The following EPS8L3 variants were observed in gnomAD, a reference collection of about 807,000 sequenced individuals.
EPS8L3 encodes the protein epidermal growth factor receptor kinase substrate 8-like protein 3.
EPS8L3 carries 80 observed loss-of-function variants against 88.5 expected under a neutral mutation model. The observed-to-expected ratio is 0.90, with a 90% CI of 0.75 to 1.09. EPS8L3 has a LOEUF of 1.09. Among genes scored for constraint, EPS8L3 ranks in the 50% least tolerant of loss-of-function variants. EPS8L3 has a pLI of 0.00. For synonymous variants in EPS8L3, 286 were observed against 291.0 expected (o/e 0.98, Z 0.18); for missense variants, 721 against 735.2 (o/e 0.98, Z 0.22).
At chr1:109,763,394 G>A (rs1302491851) in intron 1 of EPS8L3, among the ~76,000 whole-genome samples, 3 of 152,268 alleles carry the variant, frequency 2.0e-5, no homozygotes, top group Non-Finnish European at 4.4e-5. Context: ...ACACCAGGGT[G>A]GGCCCTGTGG....
chr1:109,758,633 C>A lies in EPS8L3; in HGVS notation c.492G>T (p.Gln164His). The A allele has an allele frequency of 6.2e-7, 1 of 1,601,226 alleles. No individual in the cohort carries two copies. Among genetic ancestry groups the A allele is most frequent in the Non-Finnish European group, 8.5e-7 (1 of 1,174,792 alleles). The change falls in exon 7 of 19, where the codon CAG (glutamine) becomes CAT (histidine). Residue 164 changes from glutamine to histidine, a missense_variant. Gln to His is a conservative substitution (Grantham distance 24). Transcript: ENST00000361965. ...CCATAGCAGGCCCCCTCCATCTGTC[C>A]TGGCCTGGCTGAAGGCCTCCAAGTC... is the stretch of plus-strand genomic sequence containing the variant. ...RPRLGGLQPG[Q>H]DRWRGPAMER...
chr1:109,750,240 G>T lies in EPS8L3; in HGVS notation c.*151C>A. 2.2e-6 allele frequency: 2 copies of T among 905,670 alleles called. No individual in the cohort carries two copies. The highest frequency in any genetic ancestry group is 1.7e-6 in the Non-Finnish European group (1 of 576,840). The allele number at this position is 905,670 out of a possible 1,614,324, so 56.1% of individuals were successfully genotyped here. On this transcript the variant is annotated 3_prime_UTR_variant, in exon 19 of 19. Coordinates refer to ENST00000361965, the MANE Select transcript of EPS8L3 (RefSeq NM_133181.4). The stretch of plus-strand genomic sequence containing the variant: ...AGGGACACTGTTTGCTTCAGCCTCT[G>T]GGCCTGTCCATTGTTTTTGCTGTGT...
chr1:109,758,748 G>A (rs1161047812), intron 6 of EPS8L3, 85 bp from the exon 7 acceptor site: 71 of 1,473,250 alleles, frequency 4.8e-5, no homozygotes, highest in Non-Finnish European at 6.2e-5. Context: ...AGGACCCAGG[G>A]GCACCACCAC....
chr1:109,755,664 A>C lies in EPS8L3; in HGVS notation c.1118+1353T>G, dbSNP rs141104129. Among the ~76,000 whole-genome samples the C allele has an allele frequency of 6.2e-3, 951 of 152,244 alleles. 8 individuals carry two copies. Among genetic ancestry groups the C allele is most frequent in the Non-Finnish European group, 0.011 (720 of 68,002 alleles). ...TACAAAAAAAATACAAAAAATAGCC[A>C]GACATGGTGGTGGCACACAGGTGGC... On this transcript the variant is annotated intron_variant, in intron 12 of 18. Transcript: ENST00000361965.
At position 109,759,141 on chromosome 1, in the gene EPS8L3, CTAAGTG is replaced by C; in HGVS notation, c.406-30_406-25del. On this transcript the variant is annotated intron_variant, in intron 5 of 18. Transcript: ENST00000361965. The surrounding 1 kb of genome is among the most constrained non-coding windows in gnomAD (Gnocchi z 4.2). ...GCCTGGGAAGCAGCAGTCAGGCAGG[CTAAGTG>C]TGTGTGTGTGTGTGTGTGTGTGTGT... 6.3e-7 allele frequency: 1 copy of C among 1,575,542 alleles called. No individual in the cohort carries two copies. Among genetic ancestry groups the C allele is most frequent in the South Asian group, 1.1e-5 (1 of 89,392 alleles).
chr1:109,751,144 T>C, intron 17 of EPS8L3, 134 bp downstream of exon 17: 1 of 771,820 alleles, frequency 1.3e-6, no homozygotes, highest in Non-Finnish European at 2.1e-6. Flanking sequence ...CTCTGTCCTC[T>C]AACTCAGCAG....
At chr1:109,760,509 C>G (rs1019504710) in intron 3 of EPS8L3, among the ~76,000 whole-genome samples, 3 of 152,114 alleles carry the variant, frequency 2.0e-5, no homozygotes, top group African/African-American at 7.2e-5. Context: ...ACCCCACCCC[C>G]CTGCCCAGGG....
intron 10 of EPS8L3, 76 bp downstream of exon 10, chr1:109,757,726 G>T: frequency 1.3e-6 from 2 of 1,515,098 alleles, no homozygotes; most frequent in Non-Finnish European, 1.8e-6. Context: ...TGGGATGGTT[G>T]AGTCCAGACA....
Position 109,759,177 on chromosome 1 carries a change from G to GTGTGTT in EPS8L3, c.405+60_406-60insAACACA. On this transcript the variant is annotated intron_variant, in intron 5 of 18. Transcript: ENST00000361965. The surrounding 1 kb of genome is among the most constrained non-coding windows in gnomAD (Gnocchi z 4.2). ...TGTGTGTGTGTGTGTGTGTGTGTGT[G>GTGTGTT]TGTGTGGTGGGGTGATGGTCGATGA... is the stretch of plus-strand genomic sequence containing the variant. The GTGTGTT allele has an allele frequency of 6.8e-7, 1 of 1,468,748 alleles. No homozygotes were observed. 91.0% of individuals were successfully genotyped at this position (1,468,748 alleles called of 1,614,324 possible). A position where few individuals can be genotyped will look rare whatever the true frequency, so the allele number is the denominator to read the frequency against.
chr1:109,761,405 T>A (rs1053204971), intron 3 of EPS8L3, 90 bp downstream of exon 3: 1 of 1,159,450 alleles, frequency 8.6e-7, no homozygotes, highest in Admixed American at 2.2e-5. Flanking sequence ...CAGGGACTTG[T>A]GTGAAGTGTC....
rs955431100 is a variant in EPS8L3 at position 109,756,752 on chromosome 1, C to A, written c.1118+265G>T. On this transcript the variant is annotated intron_variant, in intron 12 of 18. Coordinates refer to ENST00000361965, the MANE Select transcript of EPS8L3 (RefSeq NM_133181.4). ...AGAAAATATTTTAGTAGAAGGTTGC[C>A]ATCTCCCTTTTCTTGGGAAAAACTG... 2.0e-5 allele frequency among the ~76,000 whole-genome samples: 3 copies of A among 152,322 alleles called. No homozygotes were observed. In the Middle Eastern group the frequency reaches 0.01, roughly 518 times the overall value.
rs1420213085 is a variant in EPS8L3 at position 109,759,966 on chromosome 1, C to A, written c.97-130G>T. ...CCCCCTTGAGGTAGGAGGTTCCAGG[C>A]TTCAGATAAAGCAACTTTCCAGGGC... is the stretch of plus-strand genomic sequence containing the variant. On this transcript the variant is annotated intron_variant, in intron 3 of 18. Transcript: ENST00000361965. The surrounding 1 kb of genome is among the most constrained non-coding windows in gnomAD (Gnocchi z 4.2). 1.4e-5 allele frequency: 14 copies of A among 1,017,386 alleles called. No individual in the cohort carries two copies. The highest frequency in any genetic ancestry group is 2.0e-5 in the Non-Finnish European group (14 of 710,058). 63.0% of individuals were successfully genotyped at this position (1,017,386 alleles called of 1,614,324 possible).
chr1:109,761,464 GA>G, intron 3 of EPS8L3, 30 bp downstream of exon 3: 1 of 1,589,174 alleles, frequency 6.3e-7, no homozygotes, highest in Non-Finnish European at 8.6e-7. Flanking sequence ...GGTTTAGTTG[GA>G]CACTGCCCGG....
rs1486657368 is a variant in EPS8L3 at position 109,761,793 on chromosome 1, A to T, written c.-24-20T>A. ...GGCTCCCTAGAACCCAAAGTGAACCAGAGGCAGCCATCAGAGCTGGGGAAA... is the reference window on the plus strand; with the variant it reads ...GGCTCCCTAGAACCCAAAGTGAACCTGAGGCAGCCATCAGAGCTGGGGAAA... On this transcript the variant is annotated intron_variant, in intron 1 of 18. Transcript: ENST00000361965. 1 of 1,612,064 alleles carries T rather than the reference A, an allele frequency of 6.2e-7. No individual in the cohort carries two copies.
At chr1:109,761,239 C>A in intron 3 of EPS8L3, 1 of 459,894 alleles carries the variant, frequency 2.2e-6, no homozygotes, top group Non-Finnish European at 3.9e-6. Context: ...TTCTTCCTGT[C>A]TGGGGACAGG....
chr1:109,752,651 A>G (rs1468245880), intron 14 of EPS8L3, 35 bp downstream of exon 14: 3 of 1,544,508 alleles, frequency 1.9e-6, no homozygotes, highest in Admixed American at 2.0e-5. Flanking sequence ...CTCCCTCCCC[A>G]GGACCACGCA....
intron 13 of EPS8L3, among the ~76,000 whole-genome samples, 169 bp from the exon 14 acceptor site, chr1:109,752,889 C>G (rs1649940426): frequency 6.6e-6 from 1 of 152,072 alleles, no homozygotes. Context: ...ACCCACCCAC[C>G]CACTACTTGG....
chr1:109,758,976 T>A (rs1399455226), intron 6 of EPS8L3, 86 bp downstream of exon 6: 1 of 1,412,878 alleles, frequency 7.1e-7, no homozygotes, highest in African/African-American at 1.4e-5. Context: ...CACAACCTCC[T>A]GGGTGCCCCA....
chr1:109,758,273 A>G (rs936098378), intron 8 of EPS8L3, 43 bp downstream of exon 8: 2 of 1,560,752 alleles, frequency 1.3e-6, no homozygotes, highest in Non-Finnish European at 8.8e-7. Flanking sequence ...TCCTTTTCCC[A>G]GGCCCAGAAA....
Sources: gnomAD v4.1 joint callset for allele counts (sites outside exome capture counted in the v4.1 genomes callset) on GRCh38, gnomAD v4.1.1 for gene constraint, Gnocchi (gnomAD v3.1) non-coding constraint, MANE v1.5 for transcripts, NCBI Gene and HGNC (gene_info 2026-07-23, HGNC 2026-07-21) for gene names.